Variants in MAPK6 observed in about 807,000 individuals in gnomAD.
MAPK6 encodes ERK-3.
A neutral mutation model predicts 59.3 loss-of-function variants in MAPK6; 19 were observed. The ratio of observed to expected loss-of-function variants is 0.32; its 90% CI spans 0.22 to 0.47. The LOEUF (loss-of-function observed/expected upper bound fraction) is 0.47. MAPK6 is among the 20% of genes least tolerant of loss of function. MAPK6 has a pLI of 1.00. For synonymous variants in MAPK6, 316 were observed against 290.3 expected (o/e 1.09, Z -0.90); for missense variants, 724 against 847.9 (o/e 0.85, Z 1.81).
intron 2 of MAPK6, among the ~76,000 whole-genome samples, chr15:52,048,654 C>T (rs548797284): frequency 1.1e-4 from 16 of 152,034 alleles, no homozygotes; most frequent in Non-Finnish European, 2.2e-4. Context: ...AGGCTGGAAG[C>T]GCGGTGGCCC....
At chr15:51,995,693 C>T (rs550999067) in intron 2 of MAPK6, among the ~76,000 whole-genome samples, 2 of 152,134 alleles carry the variant, frequency 1.3e-5, no homozygotes, top group African/African-American at 4.8e-5. Context: ...TGTGGGAGGC[C>T]GAGGTGAGTG....
rs138569646 is a variant in MAPK6 at position 51,994,671 on chromosome 15, G to A, written c.-769-9594G>A. On this transcript the variant is annotated intron_variant, in intron 2 of 7. Transcript: ENST00000691380. Reference sequence around the variant, plus strand: ...GAGTAACTTTACAGTGGAAAAGTCTGGAAGACACCATGTTATTCAAGTGAT... The same window carrying A: ...GAGTAACTTTACAGTGGAAAAGTCTAGAAGACACCATGTTATTCAAGTGAT... Among the ~76,000 whole-genome samples the A allele has an allele frequency of 2.8e-3, 431 of 152,310 alleles. 1 individual carries two copies. The highest frequency in any genetic ancestry group is 4.4e-3 in the Non-Finnish European group (298 of 68,028).
chr15:52,028,778 C>G lies in MAPK6; in HGVS notation c.-632+9402C>G, dbSNP rs137949799. On this transcript the variant is annotated intron_variant, in intron 1 of 5. Coordinates refer to ENST00000261845, the MANE Select transcript of MAPK6 (RefSeq NM_002748.4). Reference sequence around the variant, plus strand: ...ACAGCCTCATTTCTCTGATTCTCTTCCAAGCCAGTTTTCAAAAGTTGTCTT... The same window carrying G: ...ACAGCCTCATTTCTCTGATTCTCTTGCAAGCCAGTTTTCAAAAGTTGTCTT... Among the ~76,000 whole-genome samples, 193 of 152,324 alleles carry G rather than the reference C, an allele frequency of 1.3e-3. 2 individuals carry two copies. Among genetic ancestry groups the G allele is most frequent in the African/African-American group, 4.5e-3 (186 of 41,570 alleles).
chr15:51,993,392 C>T (rs1184047033), intron 2 of MAPK6, among the ~76,000 whole-genome samples: 1 of 152,052 alleles, frequency 6.6e-6, no homozygotes, highest in East Asian at 1.9e-4. Flanking sequence ...ATATACCTTA[C>T]GATGTCACAG....
At chr15:51,999,099 G>A (rs566135396) in intron 2 of MAPK6, among the ~76,000 whole-genome samples, 2 of 150,096 alleles carry the variant, frequency 1.3e-5, no homozygotes, top group South Asian at 4.2e-4. Context: ...GAGTTCAAGC[G>A]ATTCTCCTGC....
At chr15:52,061,526 T>C in intron 5 of MAPK6, 26 bp downstream of exon 5, 1 of 1,539,460 alleles carries the variant, frequency 6.5e-7, no homozygotes, top group African/African-American at 1.4e-5. Flanking sequence ...ATTAGAAAAA[T>C]AATATTTACT....
chr15:52,048,863 AAG>A (rs2031681829), intron 2 of MAPK6, among the ~76,000 whole-genome samples: 1 of 152,194 alleles, frequency 6.6e-6, no homozygotes. Flanking sequence ...GAAAAAGAAA[AAG>A]AGATGAGTAT....
chr15:52,058,593 C>T lies in MAPK6; in HGVS notation c.701-40C>T. 2.0e-6 allele frequency: 3 copies of T among 1,514,470 alleles called. 1 individual carries two copies. The highest frequency in any genetic ancestry group is 2.5e-5 in the South Asian group (2 of 79,858). 93.8% of individuals were successfully genotyped at this position (1,514,470 alleles called of 1,614,324 possible). The stretch of plus-strand genomic sequence containing the variant: ...GTATGTTTATTGTGAAATAAGTAAA[C>T]ATTGAGGAATGTGTTTTTTTGTTTG... On this transcript the variant is annotated intron_variant, in intron 3 of 5. Transcript: ENST00000261845.
intron 1 of MAPK6, among the ~76,000 whole-genome samples, chr15:52,027,204 A>G (rs189959206): frequency 6.7e-6 from 1 of 148,400 alleles, no homozygotes; most frequent in Non-Finnish European, 1.5e-5. Context: ...ATACGAAAAA[A>G]CTGGCCATGG....
At chr15:52,007,792 T>C (rs948101271) in intron 3 of MAPK6, among the ~76,000 whole-genome samples, 2 of 151,796 alleles carry the variant, frequency 1.3e-5, no homozygotes, top group African/African-American at 4.8e-5. Flanking sequence ...TATAGTTGGT[T>C]ATTACCAGAA....
upstream of MAPK6, among the ~76,000 whole-genome samples, chr15:52,016,164 G>A (rs574903634): frequency 6.8e-6 from 1 of 147,174 alleles, no homozygotes. Context: ...ACTTTGGGAG[G>A]CCAAGGCGGG....
In MAPK6 at chr15:51,998,687, A is replaced by ATTTT. The variant is rs964775744; in HGVS notation, c.-769-5560_-769-5557dup. 1.0e-3 allele frequency among the ~76,000 whole-genome samples: 40 copies of ATTTT among 38,492 alleles called. 11 individuals are homozygous for ATTTT. The highest frequency in any genetic ancestry group is 3.5e-3 in the South Asian group (2 of 568). The allele number at this position is 38,492 out of a possible 152,430, so 25.3% of individuals were successfully genotyped here. On this transcript the variant is annotated intron_variant, in intron 2 of 7. Transcript: ENST00000691380. Reference sequence around the variant, plus strand: ...AGGCGTGCGCCACCATGCCTGGTTAATTTTTTTTTTTTTTTTTTTTTGAGA... The same window carrying ATTTT: ...AGGCGTGCGCCACCATGCCTGGTTAATTTTTTTTTTTTTTTTTTTTTTTTTGAGA...
intron 2 of MAPK6, among the ~76,000 whole-genome samples, chr15:51,998,190 C>A (rs943400280): frequency 4.6e-5 from 7 of 151,880 alleles, no homozygotes; most frequent in Non-Finnish European, 7.4e-5. Context: ...AATCCACCCG[C>A]CTTGGACTCC....
chr15:51,994,260 A>G (rs966001799), intron 2 of MAPK6, among the ~76,000 whole-genome samples: 8 of 152,036 alleles, frequency 5.3e-5, no homozygotes, highest in African/African-American at 1.7e-4. Flanking sequence ...GCGCCTGGCC[A>G]GCTCTTGGTT....
rs180723102 is a variant in MAPK6 at position 52,028,174 on chromosome 15, G to A, written c.-632+8798G>A. 1.4e-4 allele frequency among the ~76,000 whole-genome samples: 22 copies of A among 151,802 alleles called. No homozygotes were observed. The East Asian group carries it at 3.7e-3, about 25-fold the overall frequency. The stretch of plus-strand genomic sequence containing the variant: ...TCACCGTGTTAGCCAGGATGGTCTC[G>A]ATCTCCTGACCTTGTGATCCGCCCG... On this transcript the variant is annotated intron_variant, in intron 1 of 5. Transcript: ENST00000261845.
At position 52,032,873 on chromosome 15, in the gene MAPK6, A is replaced by G. The variant is rs554868248; in HGVS notation, c.-631-12957A>G. Among the ~76,000 whole-genome samples the G allele has an allele frequency of 4.6e-5, 7 of 151,848 alleles. No individual in the cohort carries two copies. In the South Asian group the frequency reaches 6.2e-4, roughly 14 times the overall value. ...CTAATTCTGTATTTTTAGTAGAGAT[A>G]GGGGTTTCTCCATGTTGGTCAGGCT... is the stretch of plus-strand genomic sequence containing the variant. On this transcript the variant is annotated intron_variant, in intron 1 of 5. Transcript: ENST00000261845.
chr15:52,005,138 C>A (rs1349324801), intron 3 of MAPK6, among the ~76,000 whole-genome samples: 1 of 152,056 alleles, frequency 6.6e-6, no homozygotes, highest in Non-Finnish European at 1.5e-5. Context: ...CAAACAAAAC[C>A]CCCCAAATAA....
At chr15:51,989,511 G>A (rs1002510054) in intron 2 of MAPK6, among the ~76,000 whole-genome samples, 1 of 152,156 alleles carries the variant, frequency 6.6e-6, no homozygotes, top group African/African-American at 2.4e-5. Flanking sequence ...ATACACAGGA[G>A]AGCTTCTTCA....
At chr15:52,052,956 C>T (rs566093674) in intron 3 of MAPK6, among the ~76,000 whole-genome samples, 1 of 152,174 alleles carries the variant, frequency 6.6e-6, no homozygotes, top group South Asian at 2.1e-4. Context: ...TTTTGAAGAA[C>T]AGTTTCCCAG....
Sources: gnomAD v4.1 joint callset for allele counts (sites outside exome capture counted in the v4.1 genomes callset) on GRCh38, gnomAD v4.1.1 for gene constraint, MANE v1.5 for transcripts, NCBI Gene and HGNC (gene_info 2026-07-23, HGNC 2026-07-21) for gene names.